PACRG: variants seen among roughly 807,000 people sequenced by gnomAD.
PACRG encodes the protein parkin coregulated, also known as parkin coregulated gene protein.
Under a neutral mutation model 29.7 loss-of-function variants are expected in PACRG, and 29 were observed. The ratio of observed to expected loss-of-function variants is 0.98; its 90% CI spans 0.73 to 1.33. The LOEUF is 1.33. Ranked by LOEUF, PACRG falls within the 40% of genes most tolerant of loss-of-function variation. PACRG has a pLI of 0.00. For synonymous variants in PACRG, 116 were observed against 118.7 expected, an observed-to-expected ratio of 0.98 and a Z score of 0.15; for missense variants, 279 against 316.2, an observed-to-expected ratio of 0.88 and a Z score of 0.89.
intron 2 of PACRG, among the ~76,000 whole-genome samples, chr6:162,999,720 G>T (rs1298662871): frequency 1.3e-5 from 2 of 152,094 alleles, no homozygotes; most frequent in East Asian, 3.8e-4. Context: ...CCCAGGCAAG[G>T]TCTAATCCAC....
rs149957857 is a variant in PACRG, at chr6:162,820,097, A to G, written c.291+5816A>G. Among the ~76,000 whole-genome samples, 298 of 152,314 alleles carry G rather than the reference A, an allele frequency of 2.0e-3. 1 individual carries two copies. Among genetic ancestry groups the G allele is most frequent in the African/African-American group, 6.8e-3 (284 of 41,580 alleles). ...TACTCATCCCTTAAAGTTTGCTTTCAAAATGACAAATTCGCTTCCCTTTCT... is the reference window on the plus strand; with the variant it reads ...TACTCATCCCTTAAAGTTTGCTTTCGAAATGACAAATTCGCTTCCCTTTCT... On this transcript the variant is annotated intron_variant, in intron 2 of 4. Transcript: ENST00000366888.
intron 2 of PACRG, among the ~76,000 whole-genome samples, chr6:163,056,561 G>A (rs1810607641): frequency 6.6e-6 from 1 of 152,160 alleles, no homozygotes; most frequent in African/African-American, 2.4e-5. Context: ...TGGCAGTGAT[G>A]AGATGATATG....
At chr6:163,179,867 C>T (rs927030727) in intron 4 of PACRG, among the ~76,000 whole-genome samples, 1 of 152,292 alleles carries the variant, frequency 6.6e-6, no homozygotes, top group African/African-American at 2.4e-5. Context: ...ATGACATTCT[C>T]GCAGACCAGA....
chr6:162,896,539 G>A (rs1168531812), intron 2 of PACRG, among the ~76,000 whole-genome samples: 2 of 152,146 alleles, frequency 1.3e-5, no homozygotes, highest in Non-Finnish European at 2.9e-5. Flanking sequence ...GTAAAATCTT[G>A]GATGTGTAAG....
intron 4 of PACRG, among the ~76,000 whole-genome samples, chr6:163,230,686 C>G (rs1367091760): frequency 1.3e-5 from 1 of 78,854 alleles, no homozygotes. Flanking sequence ...GAAACAGCAA[C>G]AGTAATTCAC....
chr6:163,085,050 C>T (rs893269986), intron 3 of PACRG, among the ~76,000 whole-genome samples: 10 of 151,946 alleles, frequency 6.6e-5, no homozygotes, highest in African/African-American at 2.4e-4. Flanking sequence ...GTCACCAAAA[C>T]CTTTTCTGCA....
intron 4 of PACRG, among the ~76,000 whole-genome samples, chr6:163,224,845 A>G (rs1781725865): frequency 6.6e-6 from 1 of 152,190 alleles, no homozygotes; most frequent in African/African-American, 2.4e-5. Flanking sequence ...AACTAGATAA[A>G]TGGGATTATA....
At chr6:162,863,727 A>G (rs1792063462) in intron 2 of PACRG, among the ~76,000 whole-genome samples, 1 of 152,262 alleles carries the variant, frequency 6.6e-6, no homozygotes, top group Non-Finnish European at 1.5e-5. Context: ...ATTATTTAAT[A>G]AATAAGGAAC....
At chr6:163,006,398 G>A (rs939182691) in intron 2 of PACRG, among the ~76,000 whole-genome samples, 2 of 150,946 alleles carry the variant, frequency 1.3e-5, no homozygotes, top group Non-Finnish European at 3.0e-5. Context: ...TGATACTGTG[G>A]GTTATAGTGT....
chr6:163,314,820 G>A lies in PACRG; in HGVS notation c.614-7G>A, dbSNP rs772124922. 6.8e-6 allele frequency: 11 copies of A among 1,612,904 alleles called. No individual in the cohort carries two copies. Among genetic ancestry groups the A allele is most frequent in the Middle Eastern group, 1.7e-4 (1 of 5,860 alleles). On this transcript the variant is annotated splice_region_variant and splice_polypyrimidine_tract_variant and intron_variant, in intron 4 of 4. Transcript: ENST00000366888. Reference sequence around the variant, plus strand: ...AACTGGCCTCTTTGTGTGTTTGCATGCACCAGTGAACTCCGGAGACGGCAT... The same window carrying A: ...AACTGGCCTCTTTGTGTGTTTGCATACACCAGTGAACTCCGGAGACGGCAT...
chr6:162,978,918 T>C (rs1021451991), intron 2 of PACRG, among the ~76,000 whole-genome samples: 3 of 152,220 alleles, frequency 2.0e-5, no homozygotes, highest in African/African-American at 7.2e-5. Context: ...TGAAACACTT[T>C]TCCCGGATAA....
At chr6:163,064,446 G>A (rs1359643538) in intron 3 of PACRG, among the ~76,000 whole-genome samples, 3 of 152,150 alleles carry the variant, frequency 2.0e-5, no homozygotes, top group South Asian at 2.1e-4. Context: ...GATGATTTAG[G>A]GTTCCGGAAG....
intron 4 of PACRG, among the ~76,000 whole-genome samples, chr6:163,234,322 G>A: frequency 6.6e-6 from 1 of 152,074 alleles, no homozygotes; most frequent in East Asian, 1.9e-4. Flanking sequence ...CATGGGAGTG[G>A]GTGAGTTCTC....
chr6:163,252,606 A>C (rs2128172610), intron 4 of PACRG, among the ~76,000 whole-genome samples: 1 of 152,260 alleles, frequency 6.6e-6, no homozygotes. Context: ...TCCACTCCTA[A>C]GTTTTGGCTT....
intron 4 of PACRG, among the ~76,000 whole-genome samples, chr6:163,285,337 A>G (rs62428016): frequency 0.16 from 24,148 of 151,644 alleles, 2,119 homozygotes; most frequent in Non-Finnish European, 0.2. Context: ...TTCCCCTGAC[A>G]CATCCCCACT....
At chr6:162,827,031 T>A (rs1788344385) in intron 2 of PACRG, among the ~76,000 whole-genome samples, 1 of 152,214 alleles carries the variant, frequency 6.6e-6, no homozygotes, top group Admixed American at 6.5e-5. Context: ...AAATAATCAC[T>A]GTAGACTTGT....
intron 4 of PACRG, chr6:163,183,196 G>A (rs543428812): frequency 1.5e-4 from 23 of 152,344 alleles, no homozygotes; most frequent in African/African-American, 5.1e-4. Context: ...GGCTCTAAGA[G>A]AGTGTCCCTC....
In PACRG at chr6:163,270,002, AGAAAGGAG is replaced by A. The variant is rs879878199; in HGVS notation, c.614-44823_614-44816del. Among the ~76,000 whole-genome samples, 27 of 111,632 alleles carry A rather than the reference AGAAAGGAG, an allele frequency of 2.4e-4. 1 individual carries two copies. The highest frequency in any genetic ancestry group is 5.2e-4 in the East Asian group (2 of 3,832). 73.2% of individuals were successfully genotyped at this position (111,632 alleles called of 152,430 possible). Reference sequence around the variant, plus strand: ...AAGAAAGAAAGAAAGAAAGAAAGAAAGAAAGGAGGGAGGGAGGGAGGGAGGAAGGAAGG... The same window carrying A: ...AAGAAAGAAAGAAAGAAAGAAAGAAAGGAGGGAGGGAGGGAGGAAGGAAGG... On this transcript the variant is annotated intron_variant, in intron 4 of 4. Transcript: ENST00000366888.
chr6:163,197,087 A>C (rs1780490389), intron 4 of PACRG, among the ~76,000 whole-genome samples: 1 of 152,230 alleles, frequency 6.6e-6, no homozygotes, highest in Non-Finnish European at 1.5e-5. Flanking sequence ...ATTTTACTAA[A>C]CTTTTAAAAA....
Sources: gnomAD v4.1 joint callset for allele counts (sites outside exome capture counted in the v4.1 genomes callset) on GRCh38, gnomAD v4.1.1 for gene constraint, MANE v1.5 for transcripts, NCBI Gene and HGNC (gene_info 2026-07-23, HGNC 2026-07-21) for gene names.